The following ABCA2 variants were observed in gnomAD, a reference collection of about 807,000 sequenced individuals.
ABCA2 encodes ATP binding cassette subfamily A member 2.
In ABCA2, 84 loss-of-function variants were observed where a neutral mutation model predicts 262.8. The ratio of observed to expected loss-of-function variants is 0.32; its 90% CI spans 0.27 to 0.38. The LOEUF is 0.38. Among genes scored for constraint, ABCA2 ranks in the 10% least tolerant of loss-of-function variants. The pLI is 1.00. For synonymous variants in ABCA2, 1,696 were observed against 1,502.9 expected, an observed-to-expected ratio of 1.13 and a Z score of -2.97; for missense variants, 2,662 against 3,405.9, an observed-to-expected ratio of 0.78 and a Z score of 5.44.
Position 137,018,778 on chromosome 9 carries a change from T to C in ABCA2, c.1760A>G (p.Glu587Gly). The C allele has an allele frequency of 6.2e-7, 1 of 1,612,636 alleles. No homozygotes were observed. The highest frequency in any genetic ancestry group is 8.5e-7 in the Non-Finnish European group (1 of 1,179,862). ...VDIFKGFPDEESIVNYTLNQA... is the reference protein window; with the variant it reads ...VDIFKGFPDEGSIVNYTLNQA... ...GTTGAGGGTGTAGTTGACAATGCTC[T>C]CCTCGTCGGGGAAGCCCTTGAAGAT... Residue 587 changes from glutamate to glycine, a missense_variant, in exon 13 of 49, where the codon GAG becomes GGG. This residue lies in a region of ABCA2 where 187 missense variants were observed against 205.9 expected (regional missense o/e 0.91). Transcript: ENST00000341511.
At chr9:137,014,112 C>T in intron 27 of ABCA2, 56 bp downstream of exon 27, 1 of 1,590,094 alleles carries the variant, frequency 6.3e-7, no homozygotes, top group Non-Finnish European at 8.6e-7. Context: ...CATGCCGCTC[C>T]CCCGCAACCC....
Position 137,022,457 on chromosome 9 carries a change from G to A in ABCA2, c.461C>T (p.Ser154Leu), listed in dbSNP as rs369460644. Residue 154 changes from serine (S) to leucine (L), a missense_variant, in exon 6 of 49, where the codon TCG (serine) becomes TTG (leucine). Physicochemically the swap from Ser to Leu is moderately radical, Grantham distance 145. Coordinates refer to ENST00000341511, the MANE Select transcript of ABCA2 (RefSeq NM_001606.5). The stretch of plus-strand genomic sequence containing the variant: ...GAGCTCCTGCGGGTTTCTGGCCACC[G>A]AGTCCAGAGAGAAGGAAGACACTGG... ...RSTVSSFSLD[S>L]VARNPQELWR... The A allele has an allele frequency of 2.2e-5, 35 of 1,611,678 alleles. No homozygotes were observed. The South Asian group carries it at 2.9e-4, about 13-fold the overall frequency.
intron 6 of ABCA2, 125 bp downstream of exon 6, chr9:137,022,226 G>A (rs1831492746): frequency 1.5e-6 from 2 of 1,317,082 alleles, no homozygotes; most frequent in South Asian, 3.0e-5. Flanking sequence ...GGCTCAGATG[G>A]TGGGGGCAAG....
intron 1 of ABCA2, among the ~76,000 whole-genome samples, chr9:137,024,758 T>C (rs1831593167): frequency 6.6e-6 from 1 of 150,658 alleles, no homozygotes; most frequent in Non-Finnish European, 1.5e-5. Flanking sequence ...GAAGACCTGG[T>C]AAGGGGTCTA....
rs1398425066 is a variant in ABCA2, at chr9:137,013,126, T to C, written c.4743A>G (p.Thr1581=). 1.9e-6 allele frequency: 3 copies of C among 1,596,562 alleles called. No individual in the cohort carries two copies. The highest frequency in any genetic ancestry group is 2.3e-5 in the East Asian group (1 of 44,162). ...FFDSMCLESF[T]QGLPLSNFVP... is the part of the protein sequence containing the mutation. ...CGAAATTGGACAGTGGCAGCCCCTG[T>C]GTGAAGGACTCCAGACACATGCTGT... The change falls in exon 30 of 49, where the codon ACA becomes ACG. Residue 1581 remains threonine (T), a synonymous_variant. Transcript: ENST00000341511.
chr9:137,010,397 G>A (rs765572051), intron 40 of ABCA2, 26 bp from the exon 41 acceptor site: 23 of 1,551,866 alleles, frequency 1.5e-5, no homozygotes, highest in Admixed American at 7.8e-5. Context: ...CCCACTCAGC[G>A]GGGCATCCTG....
chr9:137,018,896 C>T lies in ABCA2; in HGVS notation c.1722+7G>A, dbSNP rs757770496. The T allele has an allele frequency of 1.2e-5, 19 of 1,612,000 alleles. No homozygotes were observed. Among genetic ancestry groups the T allele is most frequent in the South Asian group, 7.7e-5 (7 of 91,050 alleles). Reference sequence around the variant, plus strand: ...TCGTGGGTTGGCTCGGAGGCCCCACCGCTCACCTTGGACATGAACTGGATC... The same window carrying T: ...TCGTGGGTTGGCTCGGAGGCCCCACTGCTCACCTTGGACATGAACTGGATC... On this transcript the variant is annotated splice_region_variant and intron_variant, in intron 12 of 48. Transcript: ENST00000341511.
rs1373697394 is a variant in ABCA2 at position 137,013,914 on chromosome 9, G to C, written c.4365C>G (p.Ser1455=). Residue 1455 remains serine (S), a synonymous_variant, in exon 28 of 49, where the codon TCC becomes TCG. Transcript: ENST00000341511. ...GCAAGATCTGGGAGAAGAGTGCCTTGGAGTTGCGGCGGGCGCAGTGGAAGC... is the reference window on the plus strand; with the variant it reads ...GCAAGATCTGGGAGAAGAGTGCCTTCGAGTTGCGGCGGGCGCAGTGGAAGC... ...VKRFHCARRN[S]KALFSQILLP... 6.2e-7 allele frequency: 1 copy of C among 1,612,532 alleles called. No individual in the cohort carries two copies. Among genetic ancestry groups the C allele is most frequent in the Non-Finnish European group, 8.5e-7 (1 of 1,179,924 alleles).
Position 137,008,403 on chromosome 9 carries a change from G to T in ABCA2, c.7275+13C>A. 1 of 1,549,244 alleles carries T rather than the reference G, an allele frequency of 6.5e-7. No homozygotes were observed. ...GGCAGAGCCCTGGACAGCCATGAGA[G>T]CAGCCTGCTCACCCGCTCCTCCTCG... On this transcript the variant is annotated intron_variant, in intron 48 of 48. Transcript: ENST00000341511.
Position 137,020,637 on chromosome 9 carries a change from G to T in ABCA2, c.1265+57C>A, listed in dbSNP as rs990139921. 5 of 1,585,308 alleles carry T rather than the reference G, an allele frequency of 3.2e-6. No individual in the cohort carries two copies. The East Asian group carries it at 9.0e-5, about 28-fold the overall frequency. ...TCCAGAGCCAGAGCCTAGATTCAGGGCTCACGCCCTGCCCCTGGCTGTCCT... is the reference window on the plus strand; with the variant it reads ...TCCAGAGCCAGAGCCTAGATTCAGGTCTCACGCCCTGCCCCTGGCTGTCCT... On this transcript the variant is annotated intron_variant, in intron 9 of 48. Transcript: ENST00000341511.
Position 137,022,967 on chromosome 9 carries a change from G to C in ABCA2, c.249C>G (p.Phe83Leu), listed in dbSNP as rs775007741. The change falls in exon 4 of 49, where the codon TTC becomes TTG. Residue 83 changes from phenylalanine to leucine, a missense_variant. By Grantham distance (22) the Phe-to-Leu change is conservative. Around this residue, in one of 12 missense-constraint regions of ABCA2, gnomAD observed 101 missense variants for 152.3 expected, o/e 0.66. Transcript: ENST00000341511. ...SLCPDGQRDEFGFLQYANSTV... is the reference protein window; with the variant it reads ...SLCPDGQRDELGFLQYANSTV... ...TGGAGTTGGCGTACTGCAGGAAGCC[G>C]AACTCGTCTCGCTGGCCGTCCGGGC... 1 of 1,587,064 alleles carries C rather than the reference G, an allele frequency of 6.3e-7. No homozygotes were observed. The highest frequency in any genetic ancestry group is 8.6e-7 in the Non-Finnish European group (1 of 1,167,780).
rs1271207716 is a variant in ABCA2 at position 137,017,233 on chromosome 9, G to A, written c.2516C>T (p.Ala839Val). ...YMYVAIREEV[A>V]HDKITAFEKC... Reference sequence around the variant, plus strand: ...CTCGAAGGCCGTGATCTTATCATGCGCCACCTCCTCTCGGATCGCCACGTA... The same window carrying A: ...CTCGAAGGCCGTGATCTTATCATGCACCACCTCCTCTCGGATCGCCACGTA... The change falls in exon 18 of 49, where the codon GCG becomes GTG. Residue 839 changes from alanine to valine, a missense_variant. Around this residue, in one of 12 missense-constraint regions of ABCA2, gnomAD observed 188 missense variants for 343.4 expected, o/e 0.55. Coordinates refer to ENST00000341511, the MANE Select transcript of ABCA2 (RefSeq NM_001606.5). The A allele has an allele frequency of 1.2e-6, 2 of 1,612,472 alleles. No homozygotes were observed. Among genetic ancestry groups the A allele is most frequent in the Admixed American group, 1.7e-5 (1 of 59,988 alleles).
Position 137,013,314 on chromosome 9 carries a change from G to T in ABCA2, c.4555C>A (p.Arg1519=), listed in dbSNP as rs746244246. The change falls in exon 30 of 49, where the codon CGG becomes AGG. Residue 1519 remains arginine, a synonymous_variant. Transcript: ENST00000341511. ...ANEERREYRL[R]LSPDASPQQL... is the part of the protein sequence containing the mutation. Reference sequence around the variant, plus strand: ...TGGGGGCTGGCGTCGGGCGATAGCCGCAGCCTGCGGGCACCGACAGTGTGA... The same window carrying T: ...TGGGGGCTGGCGTCGGGCGATAGCCTCAGCCTGCGGGCACCGACAGTGTGA... 10 of 1,545,950 alleles carry T rather than the reference G, an allele frequency of 6.5e-6. 1 individual carries two copies. Among genetic ancestry groups the T allele is most frequent in the Middle Eastern group, 2.2e-4 (1 of 4,502 alleles).
At chr9:137,022,222 G>T in intron 6 of ABCA2, 129 bp downstream of exon 6, 1 of 1,299,092 alleles carries the variant, frequency 7.7e-7, no homozygotes, top group Non-Finnish European at 1.0e-6. Flanking sequence ...GCGTGGCTCA[G>T]ATGGTGGGGG....
At chr9:137,016,519 C>A (rs1831265082) in intron 20 of ABCA2, 48 bp from the exon 21 acceptor site, 1 of 1,612,250 alleles carries the variant, frequency 6.2e-7, no homozygotes, top group African/African-American at 1.3e-5. Flanking sequence ...GCCAAGGCCA[C>A]CCAGGACTCT....
chr9:137,016,517 C>T, intron 20 of ABCA2, 46 bp from the exon 21 acceptor site: 2 of 1,612,304 alleles, frequency 1.2e-6, no homozygotes, highest in Non-Finnish European at 1.7e-6. Context: ...GCGCCAAGGC[C>T]ACCCAGGACT....
chr9:137,011,801 G>A lies in ABCA2; in HGVS notation c.5535+43C>T. The A allele has an allele frequency of 1.3e-6, 2 of 1,553,024 alleles. No individual in the cohort carries two copies. The highest frequency in any genetic ancestry group is 8.7e-7 in the Non-Finnish European group (1 of 1,148,798). ...AGACCCGGGGCAGGGCGGGGATGGGGGATGAGAAGGGCCGGGGCACCCCAT... is the reference window on the plus strand; with the variant it reads ...AGACCCGGGGCAGGGCGGGGATGGGAGATGAGAAGGGCCGGGGCACCCCAT... On this transcript the variant is annotated intron_variant, in intron 35 of 48. Coordinates refer to ENST00000341511, the MANE Select transcript of ABCA2 (RefSeq NM_001606.5). The surrounding 1 kb of genome is among the most constrained non-coding windows in gnomAD (Gnocchi z 8.8).
intron 9 of ABCA2, 47 bp from the exon 10 acceptor site, chr9:137,020,542 C>A: frequency 6.5e-7 from 1 of 1,549,946 alleles, no homozygotes; most frequent in Non-Finnish European, 8.7e-7. Context: ...GGGGGCAGGG[C>A]CGCGAGAGTG....
intron 45 of ABCA2, 76 bp downstream of exon 45, chr9:137,009,294 C>T (rs1486658373): frequency 3.2e-4 from 430 of 1,353,474 alleles, no homozygotes; most frequent in Non-Finnish European, 3.9e-4. Flanking sequence ...CTGCAGCCAC[C>T]CCCACTCCTG....
Sources: gnomAD v4.1 joint callset for allele counts (sites outside exome capture counted in the v4.1 genomes callset) on GRCh38, gnomAD v4.1.1 for gene constraint, gnomAD v4.1.1 regional missense constraint, Gnocchi (gnomAD v3.1) non-coding constraint, MANE v1.5 for transcripts, NCBI Gene and HGNC (gene_info 2026-07-23, HGNC 2026-07-21) for gene names.